The following PDCL2 variants were observed in gnomAD, a reference collection of about 807,000 sequenced individuals.
PDCL2 encodes phosducin like 2.
Under a neutral mutation model 30.3 loss-of-function variants are expected in PDCL2, and 23 were observed. That is an observed-to-expected ratio of 0.76 (90% CI 0.55 to 1.08). PDCL2 has a LOEUF of 1.08. Ranked by LOEUF, PDCL2 falls within the 50% of genes least tolerant of loss-of-function variation. PDCL2 has a pLI of 0.00. For synonymous variants in PDCL2, 68 were observed against 86.2 expected (o/e 0.79, Z 1.17); for missense variants, 243 against 282.3 (o/e 0.86, Z 1.00).
chr4:55,565,816 A>C (rs1023161757), intron 4 of PDCL2, among the ~76,000 whole-genome samples: 2 of 152,072 alleles, frequency 1.3e-5, no homozygotes, highest in African/African-American at 4.8e-5. Context: ...CTGGCTCTGC[A>C]TGAATTAAAC....
intron 1 of PDCL2, among the ~76,000 whole-genome samples, chr4:55,588,579 T>C (rs1041241085): frequency 2.6e-5 from 4 of 152,242 alleles, no homozygotes; most frequent in Non-Finnish European, 5.9e-5. Flanking sequence ...CTTAAGGCTG[T>C]GTCATGGGTA....
At chr4:55,581,004 G>A (rs1732694006) in intron 2 of PDCL2, 93 bp from the exon 3 acceptor site, 3 of 833,756 alleles carry the variant, frequency 3.6e-6, no homozygotes, top group Non-Finnish European at 5.3e-6. Flanking sequence ...ATACAAAGGA[G>A]ATCAACAGTA....
chr4:55,560,794 T>C (rs1182128326), intron 5 of PDCL2, among the ~76,000 whole-genome samples: 1 of 152,094 alleles, frequency 6.6e-6, no homozygotes, highest in South Asian at 2.1e-4. Context: ...AGAGAACTCA[T>C]CAATGAAAGA....
chr4:55,559,236 T>C (rs533450024), intron 5 of PDCL2, among the ~76,000 whole-genome samples: 1 of 152,314 alleles, frequency 6.6e-6, no homozygotes, highest in East Asian at 1.9e-4. Context: ...TGAAAATGTG[T>C]ATACCTTATG....
At chr4:55,576,375 A>G (rs568486576) in intron 3 of PDCL2, among the ~76,000 whole-genome samples, 83 of 152,204 alleles carry the variant, frequency 5.5e-4, no homozygotes, top group Non-Finnish European at 2.9e-4. Context: ...TTACAGGCGT[A>G]AGCCATCATG....
At chr4:55,562,675 A>C in intron 4 of PDCL2, 63 bp from the exon 5 acceptor site, 1 of 1,123,998 alleles carries the variant, frequency 8.9e-7, no homozygotes, top group Non-Finnish European at 1.2e-6. Flanking sequence ...GTCTAATGAA[A>C]TAAGTAAAAT....
intron 1 of PDCL2, 51 bp from the exon 2 acceptor site, chr4:55,582,288 T>A (rs567479720): frequency 1.3e-6 from 2 of 1,507,262 alleles, no homozygotes; most frequent in Non-Finnish European, 1.8e-6. Context: ...CACTTTAATA[T>A]GTATTTGGAA....
At chr4:55,586,267 C>G (rs1732863655) in intron 1 of PDCL2, among the ~76,000 whole-genome samples, 1 of 152,058 alleles carries the variant, frequency 6.6e-6, no homozygotes, top group Admixed American at 6.5e-5. Flanking sequence ...TGTTAATTTT[C>G]TAAGATTTCC....
chr4:55,558,587 A>G (rs979137534), intron 5 of PDCL2, among the ~76,000 whole-genome samples: 1 of 152,180 alleles, frequency 6.6e-6, no homozygotes, highest in Non-Finnish European at 1.5e-5. Context: ...AGACTAATAC[A>G]ATACCTTACA....
At chr4:55,581,011 A>G (rs372542048) in intron 2 of PDCL2, 100 bp from the exon 3 acceptor site, 23 of 787,208 alleles carry the variant, frequency 2.9e-5, no homozygotes, top group African/African-American at 2.9e-4. Flanking sequence ...GGAGATCAAC[A>G]GTATCTTTAA....
chr4:55,576,477 G>T (rs1219279840), intron 3 of PDCL2, among the ~76,000 whole-genome samples: 4 of 152,160 alleles, frequency 2.6e-5, no homozygotes, highest in Non-Finnish European at 5.9e-5. Flanking sequence ...TATGTTAATG[G>T]ATGCACAATA....
In PDCL2 at chr4:55,588,555, T is replaced by C. The variant is rs139862175; in HGVS notation, c.6+3549A>G. On this transcript the variant is annotated intron_variant, in intron 1 of 5. Transcript: ENST00000295645. ...CTGTACCCCAACCACACTGGACGCA[T>C]GTCATCAGGACCTCTTAAGGCTGTG... Among the ~76,000 whole-genome samples the C allele has an allele frequency of 5.0e-3, 768 of 152,332 alleles. 3 individuals carry two copies. Among genetic ancestry groups the C allele is most frequent in the Non-Finnish European group, 8.6e-3 (586 of 68,032 alleles).
intron 1 of PDCL2, among the ~76,000 whole-genome samples, chr4:55,590,787 C>T (rs778674254): frequency 2.0e-5 from 3 of 152,016 alleles, no homozygotes; most frequent in Non-Finnish European, 2.9e-5. Context: ...GAGCCACTGC[C>T]CTCGGCCATG....
chr4:55,567,065 C>A (rs564523122), intron 4 of PDCL2, among the ~76,000 whole-genome samples: 2 of 152,280 alleles, frequency 1.3e-5, no homozygotes, highest in South Asian at 2.1e-4. Context: ...CAAACAGATC[C>A]TTGTTTTATA....
In PDCL2 at chr4:55,556,721, A is replaced by G. The variant is rs1731977758; in HGVS notation, c.572-10T>C. 2 of 1,520,160 alleles carry G rather than the reference A, an allele frequency of 1.3e-6. No individual in the cohort carries two copies. The highest frequency in any genetic ancestry group is 2.6e-5 in the South Asian group (2 of 76,898). 94.2% of individuals were successfully genotyped at this position (1,520,160 alleles called of 1,614,324 possible). A position where few individuals can be genotyped will look rare whatever the true frequency, so the allele number is the denominator to read the frequency against. On this transcript the variant is annotated splice_polypyrimidine_tract_variant and intron_variant, in intron 5 of 5. Coordinates refer to ENST00000295645, the MANE Select transcript of PDCL2 (RefSeq NM_152401.3). ...AGCTTCCATTCAAGTTCTGTAATAA[A>G]TAACCCATCATTCAGTTAAAAATCT... is the stretch of plus-strand genomic sequence containing the variant.
intron 5 of PDCL2, among the ~76,000 whole-genome samples, chr4:55,559,636 T>C (rs1039634718): frequency 6.6e-6 from 1 of 152,218 alleles, no homozygotes; most frequent in Non-Finnish European, 1.5e-5. Flanking sequence ...CCATATCATC[T>C]AGCAATTCCA....
chr4:55,592,068 G>A, intron 1 of PDCL2, 36 bp downstream of exon 1: 6 of 1,607,780 alleles, frequency 3.7e-6, no homozygotes, highest in Non-Finnish European at 5.1e-6. Context: ...GACCCACTGG[G>A]TGTTCCAGGG....
chr4:55,592,072 T>G, intron 1 of PDCL2, 32 bp downstream of exon 1: 9 of 1,608,590 alleles, frequency 5.6e-6, no homozygotes, highest in East Asian at 2.2e-5. Flanking sequence ...CACTGGGTGT[T>G]CCAGGGTGGC....
chr4:55,574,638 C>T (rs1167179435), intron 3 of PDCL2, among the ~76,000 whole-genome samples: 1 of 152,172 alleles, frequency 6.6e-6, no homozygotes, highest in African/African-American at 2.4e-5. Context: ...CATCACTCCA[C>T]AATAAACCCA....
Sources: gnomAD v4.1 joint callset for allele counts (sites outside exome capture counted in the v4.1 genomes callset) on GRCh38, gnomAD v4.1.1 for gene constraint, MANE v1.5 for transcripts, NCBI Gene and HGNC (gene_info 2026-07-23, HGNC 2026-07-21) for gene names.